The following RAP1GAP variants were observed in gnomAD, a reference collection of about 807,000 sequenced individuals.
RAP1GAP encodes the protein rap1 GTPase-activating protein 1.
Under a neutral mutation model 87.2 loss-of-function variants are expected in RAP1GAP, and 35 were observed. That is an observed-to-expected ratio of 0.40 (90% CI 0.31 to 0.53). The LOEUF (loss-of-function observed/expected upper bound fraction) is 0.53, where lower values mean the gene tolerates loss of function less well. Among genes scored for constraint, RAP1GAP ranks in the 20% least tolerant of loss-of-function variants. The probability of loss-of-function intolerance (pLI) is 0.48; values close to 1 mark genes in which losing one functional copy is unlikely to be tolerated. For synonymous variants in RAP1GAP, 375 were observed against 363.9 expected, an observed-to-expected ratio of 1.03 and a Z score of -0.35; for missense variants, 734 against 898.9, an observed-to-expected ratio of 0.82 and a Z score of 2.35.
Position 21,603,362 on chromosome 1 carries a change from T to C in RAP1GAP, c.1429-449A>G. The C allele has an allele frequency of 2.3e-6, 1 of 430,536 alleles. No homozygotes were observed. Among genetic ancestry groups the C allele is most frequent in the Non-Finnish European group, 4.1e-6 (1 of 240,966 alleles). 26.7% of individuals were successfully genotyped at this position (430,536 alleles called of 1,614,324 possible). ...CTGGGGGAGGTTCTGGCCCAGCAGCTGGAAGACTCCCCCAGCTTCCCACAC... is the reference window on the plus strand; with the variant it reads ...CTGGGGGAGGTTCTGGCCCAGCAGCCGGAAGACTCCCCCAGCTTCCCACAC... On this transcript the variant is annotated intron_variant, in intron 18 of 24. Transcript: ENST00000374765. This position sits in a 1 kb window ranked among gnomAD's most constrained non-coding sequence, Gnocchi z 6.0.
rs1206249273 is a variant in RAP1GAP at position 21,602,741 on chromosome 1, C to G, written c.1538+63G>C. 7.0e-6 allele frequency: 10 copies of G among 1,433,590 alleles called. No individual in the cohort carries two copies. The East Asian group carries it at 2.4e-4, about 35-fold the overall frequency. 88.8% of individuals were successfully genotyped at this position (1,433,590 alleles called of 1,614,324 possible). On this transcript the variant is annotated intron_variant, in intron 19 of 24. Coordinates refer to ENST00000374765, the MANE Select transcript of RAP1GAP (RefSeq NM_002885.4). The stretch of plus-strand genomic sequence containing the variant: ...ACTCCCTTCTGCCTGCCTTGCTTTG[C>G]CACCGAATGGGGCTCAGGGATGGGG...
In RAP1GAP at chr1:21,599,567, G is replaced by A; in HGVS notation, c.1703C>T (p.Ser568Phe). 1 of 1,609,216 alleles carries A rather than the reference G, an allele frequency of 6.2e-7. No individual in the cohort carries two copies. Among genetic ancestry groups the A allele is most frequent in the Non-Finnish European group, 8.5e-7 (1 of 1,179,974 alleles). Reference sequence around the variant, plus strand: ...GGCGAAGCTGCTGGCACTGGACGAGGAGCGGGAGAAGTCCTTGAGCGCCTC... The same window carrying A: ...GGCGAAGCTGCTGGCACTGGACGAGAAGCGGGAGAAGTCCTTGAGCGCCTC... ...RAEALKDFSRSSSSASSFASV... is the reference protein window; with the variant it reads ...RAEALKDFSRFSSSASSFASV... Residue 568 changes from serine (S) to phenylalanine (F), a missense_variant, in exon 21 of 25, where the codon TCC becomes TTC. Ser to Phe is a radical substitution (Grantham distance 155). Coordinates refer to ENST00000374765, the MANE Select transcript of RAP1GAP (RefSeq NM_002885.4).
At chr1:21,651,789 C>G in intron 1 of RAP1GAP, 1 of 1,398,808 alleles carries the variant, frequency 7.1e-7, no homozygotes, top group South Asian at 1.5e-5. Context: ...CCGCCGTAGG[C>G]CCCGAAGGTG....
At chr1:21,624,281 G>A (rs2090761131) in intron 3 of RAP1GAP, among the ~76,000 whole-genome samples, 1 of 152,152 alleles carries the variant, frequency 6.6e-6, no homozygotes, top group Non-Finnish European at 1.5e-5. Context: ...TCCAGCCCTG[G>A]GAATGTAATG....
At chr1:21,599,430 TC>T in intron 21 of RAP1GAP, 63 bp downstream of exon 21, 1 of 1,555,484 alleles carries the variant, frequency 6.4e-7, no homozygotes, top group Non-Finnish European at 8.6e-7. Context: ...TCAGGGCATC[TC>T]CAGGGACCAA....
At chr1:21,611,897 G>A (rs936660304) in intron 11 of RAP1GAP, 81 bp from the exon 12 acceptor site, 1 of 1,507,148 alleles carries the variant, frequency 6.6e-7, no homozygotes, top group Non-Finnish European at 9.2e-7. Flanking sequence ...CCCAGAGAGG[G>A]CCGGAGGGAG....
chr1:21,634,265 G>A lies in RAP1GAP; in HGVS notation c.-112-7868C>T, dbSNP rs903760453. The stretch of plus-strand genomic sequence containing the variant: ...AGCCTAAGCAGACAGGCACAGGCAC[G>A]GGAGGCTCCTGTGTCCCCTTTCCCT... On this transcript the variant is annotated intron_variant, in intron 2 of 24. Transcript: ENST00000374765. The surrounding 1 kb of genome is among the most constrained non-coding windows in gnomAD (Gnocchi z 4.1). 3.3e-5 allele frequency among the ~76,000 whole-genome samples: 5 copies of A among 152,136 alleles called. No homozygotes were observed. The highest frequency in any genetic ancestry group is 7.4e-5 in the Non-Finnish European group (5 of 68,008).
chr1:21,669,179 G>A lies in RAP1GAP; in HGVS notation c.-149+75C>T, dbSNP rs1162002034. ...CGCCCGCCCGCGCGGGGTCTTCGCT[G>A]CGAGCCGACGGGAGTCTGGACACCT... On this transcript the variant is annotated intron_variant, in intron 1 of 24. Coordinates refer to ENST00000374765, the MANE Select transcript of RAP1GAP (RefSeq NM_002885.4). The surrounding 1 kb of genome is among the most constrained non-coding windows in gnomAD (Gnocchi z 5.6). The A allele has an allele frequency of 6.6e-6, 8 of 1,216,188 alleles. No homozygotes were observed. Among genetic ancestry groups the A allele is most frequent in the Non-Finnish European group, 7.3e-6 (7 of 959,564 alleles). The allele number at this position is 1,216,188 out of a possible 1,614,324, so 75.3% of individuals were successfully genotyped here.
intron 2 of RAP1GAP, among the ~76,000 whole-genome samples, chr1:21,637,451 GC>G (rs2094938754): frequency 6.6e-6 from 1 of 152,008 alleles, no homozygotes; most frequent in African/African-American, 2.4e-5. Flanking sequence ...ACTGCATCCA[GC>G]CCCACATCTG....
rs544951866 is a variant in RAP1GAP, at chr1:21,599,742, C to T, written c.1653-125G>A. 10 of 1,311,452 alleles carry T rather than the reference C, an allele frequency of 7.6e-6. No individual in the cohort carries two copies. The African/African-American group carries it at 1.2e-4, about 16-fold the overall frequency. 81.2% of individuals were successfully genotyped at this position (1,311,452 alleles called of 1,614,324 possible). ...TAGCAGCCAAGCACCTTTGAGGACC[C>T]CTTACAGATCCTTGGGCCTCTGAGC... is the stretch of plus-strand genomic sequence containing the variant. On this transcript the variant is annotated intron_variant, in intron 20 of 24. Transcript: ENST00000374765.
intron 21 of RAP1GAP, among the ~76,000 whole-genome samples, 189 bp downstream of exon 21, chr1:21,599,305 G>A (rs2066246924): frequency 1.3e-5 from 2 of 152,178 alleles, no homozygotes; most frequent in Admixed American, 1.3e-4. Context: ...AGCTTCCTGT[G>A]GACAGTGCTG....
intron 1 of RAP1GAP, among the ~76,000 whole-genome samples, chr1:21,653,714 G>T (rs1041319017): frequency 1.3e-5 from 2 of 152,012 alleles, no homozygotes; most frequent in African/African-American, 4.8e-5. Flanking sequence ...GAGGTGGGAG[G>T]CGGTTGGGGC....
chr1:21,632,696 T>C (rs2093994053), intron 2 of RAP1GAP, among the ~76,000 whole-genome samples: 1 of 151,986 alleles, frequency 6.6e-6, no homozygotes. Context: ...AGCCAGGGGT[T>C]CGAGACCAGC....
At chr1:21,607,912 G>A (rs1269178142) in intron 17 of RAP1GAP, among the ~76,000 whole-genome samples, 3 of 124,246 alleles carry the variant, frequency 2.4e-5, no homozygotes, top group East Asian at 2.2e-4. Context: ...CCCCAGCCAC[G>A]TCCCATCCCA....
chr1:21,652,688 A>C (rs1381178600), intron 1 of RAP1GAP, among the ~76,000 whole-genome samples: 1 of 151,208 alleles, frequency 6.6e-6, no homozygotes, highest in Non-Finnish European at 1.5e-5. Flanking sequence ...CTCACTAAAC[A>C]CTCCAAGTCG....
chr1:21,598,106 G>T, intron 22 of RAP1GAP, 42 bp from the exon 23 acceptor site: 2 of 1,320,036 alleles, frequency 1.5e-6, no homozygotes, highest in Non-Finnish European at 2.1e-6. Context: ...CTGGCCGCGG[G>T]GAGGCACCAG....
intron 19 of RAP1GAP, among the ~76,000 whole-genome samples, chr1:21,602,123 C>T (rs986641281): frequency 4.6e-5 from 7 of 152,240 alleles, no homozygotes; most frequent in African/African-American, 7.2e-5. Flanking sequence ...GAACCCAGGA[C>T]TCACAGCATG....
intron 2 of RAP1GAP, among the ~76,000 whole-genome samples, chr1:21,635,448 A>G (rs550863749): frequency 2.5e-4 from 38 of 152,236 alleles, no homozygotes; most frequent in African/African-American, 9.1e-4. Context: ...GGAGTGGACA[A>G]TGGTGCTGGG....
At chr1:21,616,283 T>C (rs1031106276) in intron 7 of RAP1GAP, among the ~76,000 whole-genome samples, 1 of 152,214 alleles carries the variant, frequency 6.6e-6, no homozygotes, top group Admixed American at 6.5e-5. Context: ...TTGTGTGACC[T>C]TGACTAAATC....
Sources: gnomAD v4.1 joint callset for allele counts (sites outside exome capture counted in the v4.1 genomes callset) on GRCh38, gnomAD v4.1.1 for gene constraint, Gnocchi (gnomAD v3.1) non-coding constraint, MANE v1.5 for transcripts, NCBI Gene and HGNC (gene_info 2026-07-23, HGNC 2026-07-21) for gene names.